The following ANKRD36B variants were observed in gnomAD, a reference collection of about 807,000 sequenced individuals.
ANKRD36B encodes the protein ankyrin repeat domain-containing protein 36B.
ANKRD36B carries 37 observed loss-of-function variants against 135.7 expected under a neutral mutation model. That is an observed-to-expected ratio of 0.27 (90% CI 0.21 to 0.36). The LOEUF (loss-of-function observed/expected upper bound fraction) is 0.36, where lower values mean the gene tolerates loss of function less well. Among genes scored for constraint, ANKRD36B ranks in the 10% least tolerant of loss-of-function variants. The probability of loss-of-function intolerance (pLI) is 1.00; values close to 1 mark genes in which losing one functional copy is unlikely to be tolerated. For missense variants in ANKRD36B, 549 were observed against 1,037.1 expected (o/e 0.53, Z 6.46); for synonymous variants, 179 against 348.1 (o/e 0.51, Z 5.41).
At chr2:97,555,334 A>T in intron 12 of ANKRD36B, 80 bp from the exon 13 acceptor site, 1 of 1,586,682 alleles carries the variant, frequency 6.3e-7, no homozygotes, top group Non-Finnish European at 8.6e-7. Flanking sequence ...TGTTAGCATC[A>T]AGCTGTATCT....
intron 20 of ANKRD36B, 112 bp downstream of exon 20, chr2:97,549,307 C>T (rs1397812074): frequency 5.4e-5 from 70 of 1,305,756 alleles, no homozygotes; most frequent in Non-Finnish European, 7.0e-5. Flanking sequence ...GAATCTCTGG[C>T]CTGCTGAATC....
chr2:97,535,822 T>G (rs1161427366), intron 34 of ANKRD36B, among the ~76,000 whole-genome samples: 1 of 92,166 alleles, frequency 1.1e-5, no homozygotes, highest in African/African-American at 3.4e-5. Flanking sequence ...TCCCAGCACT[T>G]TGGGAGGGCG....
chr2:97,551,713 G>A (rs1010276693), intron 16 of ANKRD36B, among the ~76,000 whole-genome samples: 3 of 151,878 alleles, frequency 2.0e-5, no homozygotes, highest in Non-Finnish European at 2.9e-5. Context: ...TTTCTCATAC[G>A]TCGAAAACTA....
intron 43 of ANKRD36B, among the ~76,000 whole-genome samples, chr2:97,506,756 T>C (rs1331316156): frequency 2.2e-5 from 2 of 91,542 alleles, no homozygotes; most frequent in East Asian, 2.4e-4. Context: ...GCTGATAGTC[T>C]ATAGGGGTGG....
intron 8 of ANKRD36B, among the ~76,000 whole-genome samples, chr2:97,559,228 C>T (rs1354301701): frequency 6.6e-6 from 1 of 151,688 alleles, no homozygotes; most frequent in African/African-American, 2.4e-5. Context: ...ATTCGTGATA[C>T]ATCTAAAACT....
intron 22 of ANKRD36B, among the ~76,000 whole-genome samples, chr2:97,546,116 T>C (rs1227753996): frequency 6.6e-6 from 1 of 151,744 alleles, no homozygotes; most frequent in East Asian, 1.9e-4. Context: ...AATAAAGCCC[T>C]GTCAATATCA....
At chr2:97,562,171 A>C (rs1385436694) in intron 6 of ANKRD36B, among the ~76,000 whole-genome samples, 2 of 151,730 alleles carry the variant, frequency 1.3e-5, no homozygotes, top group African/African-American at 4.8e-5. Context: ...GATTCCTATG[A>C]AAATAAACTA....
chr2:97,514,197 G>A (rs1419148909), intron 37 of ANKRD36B, among the ~76,000 whole-genome samples: 7 of 127,548 alleles, frequency 5.5e-5, no homozygotes, highest in Non-Finnish European at 6.1e-5. Flanking sequence ...TCCTAATAAA[G>A]TTTCTATGTT....
At chr2:97,570,946 C>G (rs930230176) in intron 6 of ANKRD36B, among the ~76,000 whole-genome samples, 2 of 152,222 alleles carry the variant, frequency 1.3e-5, no homozygotes, top group African/African-American at 4.8e-5. Flanking sequence ...TTTCCCTCAT[C>G]TGTTTTCCTT....
rs2078172417 is a variant in ANKRD36B, at chr2:97,525,826, T to A, written c.2266-2359A>T. ...CTAGCACAGCAGTCTGAGATCAAAC[T>A]GCAAGGCAGCAGTGAGGCTGGGGGA... is the stretch of plus-strand genomic sequence containing the variant. On this transcript the variant is annotated intron_variant, in intron 35 of 43. Transcript: ENST00000359901. 2.0e-5 allele frequency among the ~76,000 whole-genome samples: 2 copies of A among 97,846 alleles called. 1 individual carries two copies. The allele number at this position is 97,846 out of a possible 152,430, so 64.2% of individuals were successfully genotyped here. A position where few individuals can be genotyped will look rare whatever the true frequency, so the allele number is the denominator to read the frequency against.
intron 16 of ANKRD36B, 91 bp downstream of exon 16, chr2:97,553,077 C>G: frequency 6.8e-7 from 1 of 1,467,564 alleles, no homozygotes; most frequent in Non-Finnish European, 9.3e-7. Flanking sequence ...TTCAGCGAGC[C>G]CCCCACCCGC....
rs1384825992 is a variant in ANKRD36B, at chr2:97,496,124, T to C, written c.*7-3269A>G. ...ACTACTCCAGTGAATGCACAAATGA[T>C]AAGTACAATGGTATTATTGCTGATG... On this transcript the variant is annotated intron_variant, in intron 43 of 43. Transcript: ENST00000359901. Among the ~76,000 whole-genome samples, 5 of 101,980 alleles carry C rather than the reference T, an allele frequency of 4.9e-5. 2 individuals are homozygous for C. The highest frequency in any genetic ancestry group is 1.4e-4 in the Non-Finnish European group (5 of 35,378). 66.9% of individuals were successfully genotyped at this position (101,980 alleles called of 152,430 possible).
intron 20 of ANKRD36B, among the ~76,000 whole-genome samples, chr2:97,549,102 T>C (rs1279956171): frequency 1.3e-5 from 2 of 151,896 alleles, no homozygotes; most frequent in Non-Finnish European, 2.9e-5. Context: ...CCTTCCACCC[T>C]TACTGAAAAC....
At chr2:97,532,039 C>A (rs2104460628) in intron 35 of ANKRD36B, among the ~76,000 whole-genome samples, 1 of 95,582 alleles carries the variant, frequency 1.0e-5, no homozygotes, top group African/African-American at 3.1e-5. Flanking sequence ...ATGTTACCTT[C>A]TTTATTATAA....
rs1394783114 is a variant in ANKRD36B at position 97,541,557 on chromosome 2, A to G, written c.1885+354T>C. Among the ~76,000 whole-genome samples, 2 of 96,082 alleles carry G rather than the reference A, an allele frequency of 2.1e-5. 1 individual carries two copies. Among genetic ancestry groups the G allele is most frequent in the African/African-American group, 6.2e-5 (2 of 32,078 alleles). 63.0% of individuals were successfully genotyped at this position (96,082 alleles called of 152,430 possible). A position where few individuals can be genotyped will look rare whatever the true frequency, so the allele number is the denominator to read the frequency against. On this transcript the variant is annotated intron_variant, in intron 28 of 43. Transcript: ENST00000359901. The stretch of plus-strand genomic sequence containing the variant: ...CGTTTCCCTCTGTTTATAACAATAT[A>G]ATCTGACGCCTATAATATCTATTAC...
intron 4 of ANKRD36B, among the ~76,000 whole-genome samples, chr2:97,579,956 G>A (rs2082510788): frequency 6.6e-6 from 1 of 152,166 alleles, no homozygotes; most frequent in Non-Finnish European, 1.5e-5. Flanking sequence ...GAAAGCTAGG[G>A]ATTAAACCCA....
At chr2:97,573,009 C>T (rs900662387) in intron 6 of ANKRD36B, among the ~76,000 whole-genome samples, 3 of 151,622 alleles carry the variant, frequency 2.0e-5, no homozygotes, top group African/African-American at 4.9e-5. Context: ...GTGTGCTGCA[C>T]CCATTAACTC....
intron 3 of ANKRD36B, among the ~76,000 whole-genome samples, chr2:97,581,616 T>C (rs566817824): frequency 6.6e-6 from 1 of 152,156 alleles, no homozygotes; most frequent in East Asian, 1.9e-4. Flanking sequence ...CCCTGGTACA[T>C]AACTCCTTTA....
intron 1 of ANKRD36B, among the ~76,000 whole-genome samples, 200 bp downstream of exon 1, chr2:97,589,325 C>T: frequency 2.6e-5 from 1 of 38,426 alleles, no homozygotes; most frequent in African/African-American, 1.1e-4. Flanking sequence ...CATCCCCCAA[C>T]TCACTCCACA....
Sources: allele counts gnomAD v4.1 joint callset (sites outside exome capture counted in the v4.1 genomes callset), GRCh38; gene constraint gnomAD v4.1.1; transcripts MANE v1.5; gene names NCBI Gene and HGNC (gene_info 2026-07-23, HGNC 2026-07-21).